The following CALN1 variants were observed in gnomAD, a reference collection of about 807,000 sequenced individuals.
The protein encoded by CALN1 is calneuron 1.
A neutral mutation model predicts 30.6 loss-of-function variants in CALN1; 17 were observed. The observed-to-expected ratio is 0.56, with a 90% CI of 0.38 to 0.83. CALN1 has a LOEUF of 0.83. CALN1 is among the 40% of genes least tolerant of loss of function. The pLI is 0.00. For missense variants in CALN1, 291 were observed against 354.9 expected (o/e 0.82, Z 1.45); for synonymous variants, 156 against 131.4 (o/e 1.19, Z -1.28).
intron 5 of CALN1, among the ~76,000 whole-genome samples, chr7:71,891,025 A>G (rs10950284): frequency 0.39 from 58,907 of 151,838 alleles, 13,665 homozygotes; most frequent in African/African-American, 0.65. Context: ...GGGATTACAG[A>G]TGTGAGCCAC....
At chr7:71,907,229 A>T (rs908201818) in intron 5 of CALN1, among the ~76,000 whole-genome samples, 1 of 140,238 alleles carries the variant, frequency 7.1e-6, no homozygotes, top group African/African-American at 3.1e-5. Flanking sequence ...TTAAACAGAA[A>T]TGAGGTTTAA....
chr7:72,101,170 T>C (rs1584942658), intron 4 of CALN1, among the ~76,000 whole-genome samples: 1 of 152,182 alleles, frequency 6.6e-6, no homozygotes, highest in Admixed American at 6.5e-5. Flanking sequence ...TTCACTATGT[T>C]GGTGAGGCTG....
intron 3 of CALN1, among the ~76,000 whole-genome samples, chr7:72,157,401 A>G (rs1787774394): frequency 6.6e-6 from 1 of 152,160 alleles, no homozygotes; most frequent in Non-Finnish European, 1.5e-5. Context: ...ACTTGAACCC[A>G]GGAGTTTGAG....
chr7:72,446,667 C>T (rs866368611), intron 1 of CALN1, among the ~76,000 whole-genome samples: 6 of 152,112 alleles, frequency 3.9e-5, no homozygotes, highest in Non-Finnish European at 5.9e-5. Context: ...ACAGGCAAGT[C>T]GAGTCAGGGT....
At position 72,285,418 on chromosome 7, in the gene CALN1, T is replaced by C. The variant is rs1585361552; in HGVS notation, c.120-6608A>G. 3.3e-5 allele frequency among the ~76,000 whole-genome samples: 5 copies of C among 152,186 alleles called. No homozygotes were observed. In the East Asian group the frequency reaches 9.7e-4, roughly 29 times the overall value. ...GCCACCACGTCTGCCTAATTTTTTG[T>C]ATTTTTAGTAGAGATGGGGTTTCAC... On this transcript the variant is annotated intron_variant, in intron 2 of 6. Transcript: ENST00000395275.
intron 4 of CALN1, among the ~76,000 whole-genome samples, chr7:72,098,754 C>A (rs1806412807): frequency 1.1e-5 from 1 of 90,368 alleles, no homozygotes. Flanking sequence ...CAGTTCAGCC[C>A]ATTTGGCGCG....
intron 1 of CALN1, among the ~76,000 whole-genome samples, chr7:72,421,174 T>C (rs1807598187): frequency 6.6e-6 from 1 of 152,184 alleles, no homozygotes; most frequent in Non-Finnish European, 1.5e-5. Flanking sequence ...TTTGGTTATA[T>C]GGATGAGTTC....
intron 2 of CALN1, among the ~76,000 whole-genome samples, chr7:72,314,380 TATAC>T (rs373370725): frequency 4.3e-5 from 3 of 69,924 alleles, no homozygotes; most frequent in African/African-American, 6.4e-5. Context: ...TATACACATA[TATAC>T]ACATATATAT....
chr7:72,049,119 A>G (rs1802671691), intron 4 of CALN1, among the ~76,000 whole-genome samples: 2 of 152,096 alleles, frequency 1.3e-5, no homozygotes, highest in South Asian at 2.1e-4. Flanking sequence ...AGAAAATATG[A>G]TATCATATTA....
intron 1 of CALN1, among the ~76,000 whole-genome samples, chr7:72,437,647 CTCTT>C (rs1457581257): frequency 1.1e-4 from 16 of 151,036 alleles, no homozygotes; most frequent in African/African-American, 2.4e-4. Context: ...TTCTCTTTCT[CTCTT>C]TCTTTCTTTT....
rs574082485 is a variant in CALN1, at chr7:72,171,050, G to A, written c.245-64756C>T. Among the ~76,000 whole-genome samples the A allele has an allele frequency of 9.2e-5, 14 of 152,184 alleles. No homozygotes were observed. The South Asian group carries it at 2.1e-3, about 23-fold the overall frequency. ...TGTATGCCTATAGTCCCAACCACTC[G>A]GGGGGCTGAGGTGGGAGGATAGCTT... On this transcript the variant is annotated intron_variant, in intron 3 of 6. Transcript: ENST00000395275.
chr7:72,205,551 A>AAATATATACATAC, intron 3 of CALN1, among the ~76,000 whole-genome samples: 14 of 83,050 alleles, frequency 1.7e-4, no homozygotes, highest in African/African-American at 9.7e-4. Flanking sequence ...GCAAAAAAAA[A>AAATATATACATAC]ATATATATAT....
At chr7:72,371,163 G>C (rs1178098615) in intron 2 of CALN1, among the ~76,000 whole-genome samples, 1 of 151,970 alleles carries the variant, frequency 6.6e-6, no homozygotes, top group African/African-American at 2.4e-5. Context: ...CTAACCTAGG[G>C]TTGCAAAGGT....
intron 3 of CALN1, among the ~76,000 whole-genome samples, chr7:72,173,634 A>C (rs1420768995): frequency 6.6e-6 from 1 of 152,188 alleles, no homozygotes; most frequent in Non-Finnish European, 1.5e-5. Flanking sequence ...AGAGATACAT[A>C]TAAATGGATA....
intron 5 of CALN1, among the ~76,000 whole-genome samples, chr7:71,935,691 C>T (rs115802008): frequency 1.1e-4 from 16 of 152,210 alleles, no homozygotes; most frequent in South Asian, 1.0e-3. Flanking sequence ...CCTTGCACTC[C>T]GCCTGGGCAA....
intron 2 of CALN1, among the ~76,000 whole-genome samples, chr7:72,309,209 T>G (rs1799870713): frequency 6.6e-6 from 1 of 152,186 alleles, no homozygotes; most frequent in Non-Finnish European, 1.5e-5. Context: ...TATTCAGAAC[T>G]CATCCTGAGC....
At chr7:71,988,324 T>G (rs141615829) in intron 5 of CALN1, among the ~76,000 whole-genome samples, 211 of 152,314 alleles carry the variant, frequency 1.4e-3, no homozygotes, top group African/African-American at 4.7e-3. Flanking sequence ...AAGCAGCCAG[T>G]TGGCTCCAGC....
At chr7:72,236,019 G>A (rs1794454542) in intron 3 of CALN1, among the ~76,000 whole-genome samples, 1 of 149,464 alleles carries the variant, frequency 6.7e-6, no homozygotes, top group Admixed American at 6.7e-5. Flanking sequence ...AGAGGAGGGA[G>A]GATAGTTTGA....
chr7:72,065,998 C>T (rs973258147), intron 4 of CALN1, among the ~76,000 whole-genome samples: 7 of 152,178 alleles, frequency 4.6e-5, no homozygotes, highest in African/African-American at 9.6e-5. Flanking sequence ...AAGTAAAATT[C>T]GCATTATTGA....
Sources: allele counts gnomAD v4.1 joint callset (sites outside exome capture counted in the v4.1 genomes callset), GRCh38; gene constraint gnomAD v4.1.1; transcripts MANE v1.5; gene names NCBI Gene and HGNC (gene_info 2026-07-23, HGNC 2026-07-21).